Variants in PPP1R12A observed in about 807,000 individuals in gnomAD.
PPP1R12A encodes the protein protein phosphatase 1 regulatory subunit 12A, also known as myosin binding subunit.
A neutral mutation model predicts 139.6 loss-of-function variants in PPP1R12A; 19 were observed. The ratio of observed to expected loss-of-function variants is 0.14; its 90% CI spans 0.09 to 0.20. The LOEUF (loss-of-function observed/expected upper bound fraction) is 0.20. Among genes scored for constraint, PPP1R12A ranks in the 10% least tolerant of loss-of-function variants. The pLI is 1.00. For synonymous variants in PPP1R12A, 427 were observed against 420.6 expected (o/e 1.02, Z -0.19); for missense variants, 925 against 1,211.5 (o/e 0.76, Z 3.51).
chr12:79,921,266 TA>T (rs1310035594), intron 1 of PPP1R12A, among the ~76,000 whole-genome samples: 1 of 151,782 alleles, frequency 6.6e-6, no homozygotes, highest in African/African-American at 2.4e-5. Context: ...AAGACTGATA[TA>T]AAAAATAAGA....
At chr12:79,788,574 T>C in intron 21 of PPP1R12A, 74 bp downstream of exon 21, 1 of 1,356,088 alleles carries the variant, frequency 7.4e-7, no homozygotes, top group South Asian at 1.7e-5. Flanking sequence ...TATGAGTTTT[T>C]AAAATAATAT....
intron 2 of PPP1R12A, among the ~76,000 whole-genome samples, chr12:79,868,981 T>C (rs1315559931): frequency 6.6e-6 from 1 of 152,172 alleles, no homozygotes; most frequent in African/African-American, 2.4e-5. Context: ...GTCAAGGCAG[T>C]GAGTATTTAT....
At chr12:79,885,626 C>T (rs527781495) in intron 1 of PPP1R12A, among the ~76,000 whole-genome samples, 1 of 152,062 alleles carries the variant, frequency 6.6e-6, no homozygotes, top group South Asian at 2.1e-4. Flanking sequence ...TCTGCAAACT[C>T]ATTCATAAGT....
intron 1 of PPP1R12A, among the ~76,000 whole-genome samples, chr12:79,928,587 GAC>G (rs1200327382): frequency 1.3e-5 from 2 of 152,128 alleles, no homozygotes; most frequent in African/African-American, 4.8e-5. Flanking sequence ...CATTCTTTTA[GAC>G]ACAAATTTTA....
At chr12:79,792,728 G>A (rs554817259) in intron 19 of PPP1R12A, among the ~76,000 whole-genome samples, 5 of 152,190 alleles carry the variant, frequency 3.3e-5, no homozygotes, top group Middle Eastern at 3.4e-3. Context: ...TGGAGTCTGC[G>A]TGATAAGGCA....
intron 24 of PPP1R12A, chr12:79,777,110 T>G (rs1364691955): frequency 1.1e-6 from 1 of 884,754 alleles, no homozygotes; most frequent in African/African-American, 1.8e-5. Context: ...TCAAATGACA[T>G]TATTTTGAAA....
chr12:79,935,271 GC>G (rs1431335013), upstream of PPP1R12A: 2 of 1,094,794 alleles, frequency 1.8e-6, no homozygotes, highest in Non-Finnish European at 2.2e-6. Context: ...CCCAGGAAGA[GC>G]GCTCCCGCGA....
chr12:79,935,179 G>T, upstream of PPP1R12A: 1 of 1,335,180 alleles, frequency 7.5e-7, no homozygotes, highest in Non-Finnish European at 9.6e-7. Flanking sequence ...CGTCACCGGC[G>T]GCCAATCTAA....
At chr12:79,909,675 A>G (rs562001052) in intron 1 of PPP1R12A, among the ~76,000 whole-genome samples, 1 of 151,124 alleles carries the variant, frequency 6.6e-6, no homozygotes, top group African/African-American at 2.4e-5. Context: ...TGGAGGCTGC[A>G]CTGAGCCGAG....
intron 1 of PPP1R12A, among the ~76,000 whole-genome samples, chr12:79,915,193 C>A (rs1592825325): frequency 1.3e-5 from 2 of 152,174 alleles, no homozygotes; most frequent in Middle Eastern, 6.8e-3. Flanking sequence ...AATCTTAGGG[C>A]ATTTTAAGAC....
Position 79,890,982 on chromosome 12 carries a change from T to C in PPP1R12A, c.238-18044A>G, listed in dbSNP as rs192085352. Among the ~76,000 whole-genome samples the C allele has an allele frequency of 7.1e-5, 10 of 141,160 alleles. No homozygotes were observed. In the East Asian group the frequency reaches 1.4e-3, roughly 20 times the overall value. The allele number at this position is 141,160 out of a possible 152,430, so 92.6% of individuals were successfully genotyped here. ...TCTCTCTCTTTCTCTCTCTCTCCAA[T>C]TGAGAAAAAGGGGAAAGGTTTTGGA... On this transcript the variant is annotated intron_variant, in intron 1 of 24. Transcript: ENST00000450142.
chr12:79,895,302 C>A (rs1885031953), intron 1 of PPP1R12A, among the ~76,000 whole-genome samples: 1 of 151,930 alleles, frequency 6.6e-6, no homozygotes, highest in South Asian at 2.1e-4. Flanking sequence ...GCAACTCCTG[C>A]AGATAATTTC....
intron 2 of PPP1R12A, among the ~76,000 whole-genome samples, chr12:79,870,243 C>G (rs981147310): frequency 2.6e-5 from 4 of 152,094 alleles, no homozygotes; most frequent in African/African-American, 9.7e-5. Flanking sequence ...CTGCCTTAGC[C>G]TCCAGAGTAG....
chr12:79,905,438 CAA>C (rs1886027481), intron 1 of PPP1R12A, among the ~76,000 whole-genome samples: 1 of 146,006 alleles, frequency 6.8e-6, no homozygotes, highest in African/African-American at 2.5e-5. Flanking sequence ...TCACATTTCA[CAA>C]AAGAGTAAAC....
intron 1 of PPP1R12A, among the ~76,000 whole-genome samples, chr12:79,875,145 C>T (rs966143219): frequency 6.6e-6 from 1 of 152,130 alleles, no homozygotes; most frequent in Non-Finnish European, 1.5e-5. Flanking sequence ...AGGGATATAT[C>T]TGTATGTGAA....
intron 13 of PPP1R12A, 146 bp downstream of exon 13, chr12:79,806,020 G>T (rs959259911): frequency 1.8e-5 from 20 of 1,124,590 alleles, no homozygotes; most frequent in Middle Eastern, 2.3e-4. Context: ...ATGCATAATT[G>T]CCTCATTTTG....
intron 9 of PPP1R12A, among the ~76,000 whole-genome samples, 193 bp downstream of exon 9, chr12:79,817,201 A>G (rs1478448025): frequency 6.6e-6 from 1 of 152,232 alleles, no homozygotes; most frequent in African/African-American, 2.4e-5. Context: ...AGTAATATCA[A>G]TTGCAAAAAG....
At chr12:79,922,596 C>T (rs1887522567) in intron 1 of PPP1R12A, among the ~76,000 whole-genome samples, 1 of 152,088 alleles carries the variant, frequency 6.6e-6, no homozygotes, top group African/African-American at 2.4e-5. Flanking sequence ...AACAGAAAAC[C>T]AAACACCTCA....
At chr12:79,868,499 T>C (rs1254335691) in intron 2 of PPP1R12A, among the ~76,000 whole-genome samples, 1 of 150,944 alleles carries the variant, frequency 6.6e-6, no homozygotes, top group Non-Finnish European at 1.5e-5. Flanking sequence ...CTCACAGTTC[T>C]GGTGCCTAGA....
Sources: gnomAD v4.1 joint callset for allele counts (sites outside exome capture counted in the v4.1 genomes callset) on GRCh38, gnomAD v4.1.1 for gene constraint, MANE v1.5 for transcripts, NCBI Gene and HGNC (gene_info 2026-07-23, HGNC 2026-07-21) for gene names.